KLK2: variants seen among roughly 807,000 people sequenced by gnomAD.
KLK2 encodes the protein kallikrein-2.
A neutral mutation model predicts 23.0 loss-of-function variants in KLK2; 17 were observed. The observed-to-expected ratio is 0.74, with a 90% CI of 0.51 to 1.11. KLK2 has a LOEUF of 1.11. KLK2 is among the 50% of genes least tolerant of loss of function. The pLI, the probability that KLK2 is intolerant of heterozygous loss-of-function variation, is 0.00. For missense variants in KLK2, 330 were observed against 325.9 expected (o/e 1.01, Z -0.10); for synonymous variants, 140 against 124.7 (o/e 1.12, Z -0.82).
In KLK2 at chr19:50,878,581, C is replaced by T. The variant is rs759466542; in HGVS notation, c.*22C>T. The T allele has an allele frequency of 1.3e-6, 2 of 1,598,640 alleles. No individual in the cohort carries two copies. The highest frequency in any genetic ancestry group is 1.7e-6 in the Non-Finnish European group (2 of 1,169,136). On this transcript the variant is annotated 3_prime_UTR_variant, in exon 5 of 5. Coordinates refer to ENST00000325321, the MANE Select transcript of KLK2 (RefSeq NM_005551.5). The stretch of plus-strand genomic sequence containing the variant: ...CTGAGTGCCCCTGTCCCACCCCTAC[C>T]TCTAGTAAATTTAAGTCCACCTCAC...
At position 50,876,492 on chromosome 19, in the gene KLK2, G is replaced by C; in HGVS notation, c.227G>C (p.Gly76Ala). 5.6e-6 allele frequency: 9 copies of C among 1,614,082 alleles called. No individual in the cohort carries two copies. The highest frequency in any genetic ancestry group is 7.6e-6 in the Non-Finnish European group (9 of 1,180,022). ...CCCAGGAATAGCCAGGTCTGGCTGG[G>C]TCGGCACAACCTGTTTGAGCCTGAA... is the stretch of plus-strand genomic sequence containing the variant. ...CLKKNSQVWL[G>A]RHNLFEPEDT... Residue 76 changes from glycine (G) to alanine (A), a missense_variant, in exon 3 of 5, where the codon GGT becomes GCT. Physicochemically the swap from Gly to Ala is moderately conservative, Grantham distance 60. Transcript: ENST00000325321.
At position 50,877,001 on chromosome 19, in the gene KLK2, C is replaced by T; in HGVS notation, c.623C>T (p.Thr208Ile). The change falls in exon 4 of 5, where the codon ACT becomes ATT. Residue 208 changes from threonine (T) to isoleucine (I), a missense_variant. Thr to Ile is a moderately conservative substitution (Grantham distance 89). Transcript: ENST00000325321. ...GGGCTCTGGACAGGTGGTAAAGACA[C>T]TTGTGGGGTGAGTCATCCCTACTCC... ...CAGLWTGGKDTCGGDSGGPLV... is the reference protein window; with the variant it reads ...CAGLWTGGKDICGGDSGGPLV... 3 of 1,614,108 alleles carry T rather than the reference C, an allele frequency of 1.9e-6. No individual in the cohort carries two copies. Among genetic ancestry groups the T allele is most frequent in the Non-Finnish European group, 2.5e-6 (3 of 1,180,004 alleles).
intron 1 of KLK2, chr19:50,874,004 T>G: frequency 6.4e-6 from 1 of 156,146 alleles, no homozygotes. Flanking sequence ...CACTTCCTTC[T>G]TCCCCCCGAG....
At chr19:50,875,042 A>T in intron 2 of KLK2, 162 bp downstream of exon 2, 1 of 1,321,804 alleles carries the variant, frequency 7.6e-7, no homozygotes, top group Non-Finnish European at 9.8e-7. Flanking sequence ...GGGCTGGACC[A>T]CTCTCCCCAT....
intron 1 of KLK2, chr19:50,873,848 C>G: frequency 2.9e-6 from 1 of 347,118 alleles, no homozygotes; most frequent in Non-Finnish European, 5.2e-6. Flanking sequence ...GTTCCTTGGA[C>G]CCTATCACTG....
intron 4 of KLK2, 62 bp downstream of exon 4, chr19:50,877,070 C>T (rs1416974026): frequency 4.4e-6 from 7 of 1,608,608 alleles, no homozygotes; most frequent in Non-Finnish European, 6.0e-6. Context: ...TAATTCTGGG[C>T]TGCAATCTGA....
chr19:50,879,752 T>A lies in KLK2; in HGVS notation c.*1193T>A. The A allele has an allele frequency of 4.4e-6, 1 of 229,816 alleles. No homozygotes were observed. Among genetic ancestry groups the A allele is most frequent in the Middle Eastern group, 1.3e-3 (1 of 764 alleles). 14.2% of individuals were successfully genotyped at this position (229,816 alleles called of 1,614,324 possible). A position where few individuals can be genotyped will look rare whatever the true frequency, so the allele number is the denominator to read the frequency against. On this transcript the variant is annotated 3_prime_UTR_variant, in exon 5 of 5. Transcript: ENST00000325321. ...ACAGGGATTCATCACAAATCCCATC[T>A]TTAGCATGAAGGGTCTGGCATGGCC...
rs2090253027 is a variant in KLK2, at chr19:50,873,602, T to G, written c.46+83T>G. ...TTTCCTCCCACCCAGTGCCCCAGCC[T>G]CGTCCCTTCAGCCCACAGTTCAGCC... On this transcript the variant is annotated intron_variant, in intron 1 of 4. Coordinates refer to ENST00000325321, the MANE Select transcript of KLK2 (RefSeq NM_005551.5). 10 of 993,886 alleles carry G rather than the reference T, an allele frequency of 1.0e-5. No individual in the cohort carries two copies. The South Asian group carries it at 1.5e-4, about 15-fold the overall frequency. 61.6% of individuals were successfully genotyped at this position (993,886 alleles called of 1,614,324 possible).
chr19:50,873,810 C>G, intron 1 of KLK2: 1 of 455,010 alleles, frequency 2.2e-6, no homozygotes, highest in Non-Finnish European at 3.9e-6. Flanking sequence ...GGTTCAAAAC[C>G]TTTCAAGGAC....
chr19:50,873,456 G>A lies in KLK2; in HGVS notation c.-18G>A, dbSNP rs780581667. The stretch of plus-strand genomic sequence containing the variant: ...CCAGCCCCAAACTCACCACCTGGCC[G>A]TGGACACCTGTGTCAGCATGTGGGA... On this transcript the variant is annotated 5_prime_UTR_variant, in exon 1 of 5. The change creates a new upstream start codon in the 5' untranslated region. Coordinates refer to ENST00000325321, the MANE Select transcript of KLK2 (RefSeq NM_005551.5). 2.6e-5 allele frequency: 42 copies of A among 1,589,946 alleles called. No individual in the cohort carries two copies. The highest frequency in any genetic ancestry group is 2.3e-4 in the South Asian group (20 of 88,004).
In KLK2 at chr19:50,878,825, T is replaced by G. The variant is rs531987005; in HGVS notation, c.*266T>G. 6 of 381,546 alleles carry G rather than the reference T, an allele frequency of 1.6e-5. No individual in the cohort carries two copies. The South Asian group carries it at 3.1e-4, about 20-fold the overall frequency. 23.6% of individuals were successfully genotyped at this position (381,546 alleles called of 1,614,324 possible). ...GGAACACTGGCTGTCTCTGAAGACT[T>G]CTCGCTCAGTTTCAGTGAGGACACA... is the stretch of plus-strand genomic sequence containing the variant. On this transcript the variant is annotated 3_prime_UTR_variant, in exon 5 of 5. Coordinates refer to ENST00000325321, the MANE Select transcript of KLK2 (RefSeq NM_005551.5).
At chr19:50,873,643 T>G in intron 1 of KLK2, 124 bp downstream of exon 1, 1 of 670,214 alleles carries the variant, frequency 1.5e-6, no homozygotes, top group Non-Finnish European at 2.6e-6. Context: ...AATGTGCCCC[T>G]GACTCTTCCA....
At position 50,878,422 on chromosome 19, in the gene KLK2, C is replaced by T; in HGVS notation, c.649C>T (p.Leu217Phe). 1.2e-6 allele frequency: 2 copies of T among 1,613,576 alleles called. No homozygotes were observed. The highest frequency in any genetic ancestry group is 2.2e-5 in the East Asian group (1 of 44,878). The change falls in exon 5 of 5, where the codon CTT becomes TTT. Residue 217 changes from leucine to phenylalanine, a missense_variant. Leu to Phe is a conservative substitution (Grantham distance 22, BLOSUM62 0). Coordinates refer to ENST00000325321, the MANE Select transcript of KLK2 (RefSeq NM_005551.5). ...DTCGGDSGGP[L>F]VCNGVLQGIT... ...CCCTTAGGGTGATTCTGGGGGTCCACTTGTCTGTAATGGTGTGCTTCAAGG... is the reference window on the plus strand; with the variant it reads ...CCCTTAGGGTGATTCTGGGGGTCCATTTGTCTGTAATGGTGTGCTTCAAGG...
chr19:50,877,323 G>T lies in KLK2; in HGVS notation c.630+315G>T, dbSNP rs1435017455. The T allele has an allele frequency of 7.1e-6, 3 of 422,782 alleles. No individual in the cohort carries two copies. In the East Asian group the frequency reaches 1.3e-4, roughly 18 times the overall value. 26.2% of individuals were successfully genotyped at this position (422,782 alleles called of 1,614,324 possible). ...TAGAGAGCAGCCTCTCCCTCCTGCA[G>T]CCCCCATGCTGGTGAGGGGCACTGG... is the stretch of plus-strand genomic sequence containing the variant. On this transcript the variant is annotated intron_variant, in intron 4 of 4. Coordinates refer to ENST00000325321, the MANE Select transcript of KLK2 (RefSeq NM_005551.5).
At chr19:50,873,720 C>T in intron 1 of KLK2, 1 of 539,254 alleles carries the variant, frequency 1.9e-6, no homozygotes, top group East Asian at 3.3e-5. Context: ...ACCTTTCTCT[C>T]CATTGCCCAG....
Position 50,873,751 on chromosome 19 carries a change from GCTTT to G in KLK2, c.46+233_46+236del, listed in dbSNP as rs1293480478. 3 of 534,840 alleles carry G rather than the reference GCTTT, an allele frequency of 5.6e-6. No homozygotes were observed. In the African/African-American group the frequency reaches 5.9e-5, roughly 11 times the overall value. The allele number at this position is 534,840 out of a possible 1,614,324, so 33.1% of individuals were successfully genotyped here. ...CCCAGCCAAATCCCTGCTCCCAGCT[GCTTT>G]ACTAAAGAGCAAGTTCCTGGGCATC... On this transcript the variant is annotated intron_variant, in intron 1 of 4. Transcript: ENST00000325321.
intron 4 of KLK2, among the ~76,000 whole-genome samples, chr19:50,878,010 T>C (rs2090306741): frequency 6.6e-6 from 1 of 152,112 alleles, no homozygotes; most frequent in South Asian, 2.1e-4. Context: ...CGGCCCTCCA[T>C]GGCTCCCCAA....
intron 4 of KLK2, among the ~76,000 whole-genome samples, chr19:50,878,001 G>A (rs570993890): frequency 2.0e-5 from 3 of 152,076 alleles, no homozygotes; most frequent in Non-Finnish European, 2.9e-5. Flanking sequence ...CCCTGCCCAC[G>A]GCCCTCCATG....
Position 50,879,385 on chromosome 19 carries a change from A to G in KLK2, c.*826A>G. The G allele has an allele frequency of 4.3e-6, 1 of 232,652 alleles. No homozygotes were observed. The highest frequency in any genetic ancestry group is 1.3e-3 in the Middle Eastern group (1 of 782). The allele number at this position is 232,652 out of a possible 1,614,324, so 14.4% of individuals were successfully genotyped here. A position where few individuals can be genotyped will look rare whatever the true frequency, so the allele number is the denominator to read the frequency against. ...AAGTTTTCAGACTGGCAGGAAGTCA[A>G]ACCTATTAGGCTGAGGACCTTGTGG... On this transcript the variant is annotated 3_prime_UTR_variant, in exon 5 of 5. Coordinates refer to ENST00000325321, the MANE Select transcript of KLK2 (RefSeq NM_005551.5).
Sources: allele counts gnomAD v4.1 joint callset (sites outside exome capture counted in the v4.1 genomes callset), GRCh38; gene constraint gnomAD v4.1.1; transcripts MANE v1.5; gene names NCBI Gene and HGNC (gene_info 2026-07-23, HGNC 2026-07-21).